The following NALF1 variants were observed in gnomAD, a reference collection of about 807,000 sequenced individuals.
NALF1 encodes the protein family with sequence similarity 155 member A.
A neutral mutation model predicts 48.4 loss-of-function variants in NALF1; 3 were observed. The ratio of observed to expected loss-of-function variants is 0.06; its 90% CI spans 0.03 to 0.16. The LOEUF is 0.16. Among genes scored for constraint, NALF1 ranks in the 10% least tolerant of loss-of-function variants. The pLI, the probability that NALF1 is intolerant of heterozygous loss-of-function variation, is 1.00. For missense variants in NALF1, 526 were observed against 571.5 expected, an observed-to-expected ratio of 0.92 and a Z score of 0.81; for synonymous variants, 262 against 245.7, an observed-to-expected ratio of 1.07 and a Z score of -0.62.
At chr13:107,459,944 G>A (rs997158800) in intron 1 of NALF1, among the ~76,000 whole-genome samples, 5 of 152,086 alleles carry the variant, frequency 3.3e-5, no homozygotes, top group Admixed American at 2.0e-4. Context: ...GTTTCACTAT[G>A]TTGCCCAAAC....
intron 1 of NALF1, among the ~76,000 whole-genome samples, chr13:107,796,046 T>A (rs1373151235): frequency 6.6e-6 from 1 of 152,206 alleles, no homozygotes; most frequent in East Asian, 1.9e-4. Flanking sequence ...CACGATTTTT[T>A]AAAGAAATCA....
intron 1 of NALF1, among the ~76,000 whole-genome samples, chr13:107,704,082 CAATGCATGTAAACCAATCTGATT>C (rs1881890061): frequency 6.6e-6 from 1 of 152,102 alleles, no homozygotes; most frequent in African/African-American, 2.4e-5. Flanking sequence ...GTGCTGTTCT[CAATGCATGTAAACCAATCTGATT>C]AATTTGCATA....
intron 1 of NALF1, among the ~76,000 whole-genome samples, chr13:107,500,394 C>T (rs1043851550): frequency 6.6e-6 from 1 of 151,990 alleles, no homozygotes; most frequent in East Asian, 1.9e-4. Context: ...CAAATCAAAA[C>T]CACAATGAGA....
At chr13:107,742,765 A>C (rs1876675600) in intron 1 of NALF1, among the ~76,000 whole-genome samples, 2 of 152,182 alleles carry the variant, frequency 1.3e-5, no homozygotes, top group East Asian at 3.9e-4. Context: ...GCTCTATGTG[A>C]GCAGATGCCA....
At chr13:107,373,670 C>T (rs1883287078) in intron 1 of NALF1, among the ~76,000 whole-genome samples, 1 of 152,224 alleles carries the variant, frequency 6.6e-6, no homozygotes, top group South Asian at 2.1e-4. Context: ...TAAGCATCAA[C>T]CTGGTCTCTG....
chr13:107,679,128 A>G (rs1881209364), intron 1 of NALF1, among the ~76,000 whole-genome samples: 1 of 152,198 alleles, frequency 6.6e-6, no homozygotes, highest in South Asian at 2.1e-4. Flanking sequence ...AATCTGGGAT[A>G]GCCTCAGTTT....
At chr13:107,597,206 AG>A (rs1443582902) in intron 1 of NALF1, among the ~76,000 whole-genome samples, 3 of 152,214 alleles carry the variant, frequency 2.0e-5, no homozygotes, top group Non-Finnish European at 4.4e-5. Context: ...ATGTTATCAA[AG>A]ACATTAGCAT....
intron 1 of NALF1, among the ~76,000 whole-genome samples, chr13:107,409,660 T>C (rs1566330004): frequency 6.6e-6 from 1 of 152,168 alleles, no homozygotes; most frequent in Non-Finnish European, 1.5e-5. Flanking sequence ...GTTGTCTCAT[T>C]TGACAATCAC....
chr13:107,859,292 A>C (rs1456767613), intron 1 of NALF1, among the ~76,000 whole-genome samples: 1 of 152,192 alleles, frequency 6.6e-6, no homozygotes, highest in Non-Finnish European at 1.5e-5. Context: ...TGATTATTGC[A>C]TTCACCCACC....
chr13:107,393,739 C>A (rs1883665019), intron 1 of NALF1, among the ~76,000 whole-genome samples: 1 of 152,054 alleles, frequency 6.6e-6, no homozygotes, highest in African/African-American at 2.4e-5. Context: ...CAATATGATT[C>A]TTTGAGAGTT....
At chr13:107,586,907 T>C (rs888779716) in intron 1 of NALF1, among the ~76,000 whole-genome samples, 3 of 151,974 alleles carry the variant, frequency 2.0e-5, no homozygotes, top group Non-Finnish European at 4.4e-5. Context: ...AGAAATAGAT[T>C]TACCATGATT....
intron 1 of NALF1, among the ~76,000 whole-genome samples, chr13:107,242,718 C>T (rs549039997): frequency 2.2e-4 from 33 of 152,052 alleles, no homozygotes; most frequent in Admixed American, 4.6e-4. Flanking sequence ...AAACAAGGCT[C>T]GGTTTATAGT....
chr13:107,750,066 C>T (rs1410822751), intron 1 of NALF1, among the ~76,000 whole-genome samples: 2 of 152,182 alleles, frequency 1.3e-5, no homozygotes, highest in African/African-American at 2.4e-5. Context: ...GATCCACCCG[C>T]CTCAGCCTCC....
chr13:107,711,841 T>A (rs900713071), intron 1 of NALF1, among the ~76,000 whole-genome samples: 5 of 152,220 alleles, frequency 3.3e-5, no homozygotes, highest in Non-Finnish European at 5.9e-5. Flanking sequence ...TTACTGTAGC[T>A]ATTGATCTTG....
chr13:107,194,401 A>T (rs1165548774), intron 2 of NALF1, among the ~76,000 whole-genome samples: 1 of 152,190 alleles, frequency 6.6e-6, no homozygotes, highest in East Asian at 1.9e-4. Context: ...CAGAACAGAG[A>T]ACCCAGAAAT....
intron 1 of NALF1, among the ~76,000 whole-genome samples, chr13:107,533,004 G>C (rs1397503441): frequency 1.3e-5 from 2 of 152,054 alleles, no homozygotes; most frequent in Admixed American, 1.3e-4. Context: ...TGCTAAGCTG[G>C]AAATTTAAAA....
intron 1 of NALF1, among the ~76,000 whole-genome samples, chr13:107,367,589 C>G (rs1883173174): frequency 6.6e-6 from 1 of 152,184 alleles, no homozygotes; most frequent in Non-Finnish European, 1.5e-5. Flanking sequence ...CACACAAGGC[C>G]TGCAGCTTCA....
intron 1 of NALF1, among the ~76,000 whole-genome samples, chr13:107,714,014 T>C (rs544002202): frequency 8.6e-4 from 131 of 152,326 alleles, no homozygotes; most frequent in Middle Eastern, 3.4e-3. Context: ...AAGCCTCGGA[T>C]GTGAGTCCTG....
chr13:107,678,514 A>T (rs900803081), intron 1 of NALF1, among the ~76,000 whole-genome samples: 1 of 152,202 alleles, frequency 6.6e-6, no homozygotes, highest in African/African-American at 2.4e-5. Flanking sequence ...AATCTCTGTG[A>T]CCTCGAGCAA....
Sources: gnomAD v4.1 joint callset for allele counts (sites outside exome capture counted in the v4.1 genomes callset) on GRCh38, gnomAD v4.1.1 for gene constraint, MANE v1.5 for transcripts, NCBI Gene and HGNC (gene_info 2026-07-23, HGNC 2026-07-21) for gene names.